Variants in ARFIP1 observed in about 807,000 individuals in gnomAD.
The protein encoded by ARFIP1 is ARF interacting protein 1.
ARFIP1 carries 24 observed loss-of-function variants against 42.5 expected under a neutral mutation model. The observed-to-expected ratio is 0.57, with a 90% CI of 0.41 to 0.80. ARFIP1 has a LOEUF of 0.80. ARFIP1 is among the 30% of genes least tolerant of loss of function. The pLI, the probability that ARFIP1 is intolerant of heterozygous loss-of-function variation, is 0.00. For missense variants in ARFIP1, 354 were observed against 434.0 expected, an observed-to-expected ratio of 0.82 and a Z score of 1.64; for synonymous variants, 141 against 153.7, an observed-to-expected ratio of 0.92 and a Z score of 0.61.
intron 2 of ARFIP1, among the ~76,000 whole-genome samples, chr4:152,838,830 G>T (rs1157798578): frequency 1.3e-5 from 2 of 152,130 alleles, no homozygotes; most frequent in Admixed American, 6.5e-5. Context: ...AAGAGGAGTG[G>T]TGAGAGTGGG....
At position 152,904,198 on chromosome 4, in the gene ARFIP1, A is replaced by ATTTT. The variant is rs36092561; in HGVS notation, c.967-5856_967-5853dup. Among the ~76,000 whole-genome samples the ATTTT allele has an allele frequency of 1.9e-3, 241 of 126,684 alleles. 2 individuals carry two copies. The highest frequency in any genetic ancestry group is 5.5e-3 in the African/African-American group (169 of 30,722). 83.1% of individuals were successfully genotyped at this position (126,684 alleles called of 152,430 possible). ...TGTGTGTGTATATATATATATATAT[A>ATTTT]TTTTTTTTTTTTTAACGGAGTCTCG... On this transcript the variant is annotated intron_variant, in intron 8 of 8. Coordinates refer to ENST00000353617, the MANE Select transcript of ARFIP1 (RefSeq NM_001025595.3).
At chr4:152,815,783 C>T (rs1418093948) in intron 1 of ARFIP1, among the ~76,000 whole-genome samples, 5 of 131,504 alleles carry the variant, frequency 3.8e-5, no homozygotes, top group African/African-American at 1.4e-4. Flanking sequence ...CTCGCTCTGT[C>T]GCCCAGGCTG....
chr4:152,872,005 A>G (rs944703186), intron 4 of ARFIP1, among the ~76,000 whole-genome samples: 3 of 152,176 alleles, frequency 2.0e-5, no homozygotes, highest in African/African-American at 7.2e-5. Context: ...AATTATAGCA[A>G]CATTCTATTG....
chr4:152,811,158 T>G (rs1015309824), intron 1 of ARFIP1, among the ~76,000 whole-genome samples: 7 of 147,492 alleles, frequency 4.7e-5, no homozygotes, highest in Non-Finnish European at 8.9e-5. Context: ...ACACCCACTC[T>G]GGAGACATTG....
At chr4:152,876,091 G>A (rs950750561) in intron 5 of ARFIP1, among the ~76,000 whole-genome samples, 1 of 152,100 alleles carries the variant, frequency 6.6e-6, no homozygotes, top group Non-Finnish European at 1.5e-5. Flanking sequence ...TTTATCAGCA[G>A]TGTGAAAACC....
chr4:152,819,399 A>G (rs968382665), intron 1 of ARFIP1, among the ~76,000 whole-genome samples: 2 of 152,176 alleles, frequency 1.3e-5, no homozygotes, highest in African/African-American at 4.8e-5. Context: ...GCTCTTTACA[A>G]GGAAATCTCC....
At chr4:152,899,233 T>C (rs1202732198) in intron 8 of ARFIP1, among the ~76,000 whole-genome samples, 1 of 152,180 alleles carries the variant, frequency 6.6e-6, no homozygotes, top group Non-Finnish European at 1.5e-5. Context: ...GAACTTGAGA[T>C]CAGGAATGGG....
intron 1 of ARFIP1, among the ~76,000 whole-genome samples, chr4:152,816,848 T>C (rs1729928803): frequency 6.6e-6 from 1 of 152,260 alleles, no homozygotes; most frequent in South Asian, 2.1e-4. Flanking sequence ...TTTTCCACTC[T>C]CCTTCTTATT....
chr4:152,820,568 G>A (rs1730289254), intron 1 of ARFIP1, among the ~76,000 whole-genome samples: 1 of 152,194 alleles, frequency 6.6e-6, no homozygotes, highest in Non-Finnish European at 1.5e-5. Flanking sequence ...GTAGTGGAAG[G>A]TGAAGGGGAA....
At chr4:152,859,076 T>G (rs1274283273) in intron 2 of ARFIP1, among the ~76,000 whole-genome samples, 1 of 152,208 alleles carries the variant, frequency 6.6e-6, no homozygotes, top group Non-Finnish European at 1.5e-5. Flanking sequence ...TTTTTGTTTT[T>G]GTTTGAGGCA....
At chr4:152,889,227 T>C (rs1736520708) in intron 8 of ARFIP1, among the ~76,000 whole-genome samples, 1 of 152,060 alleles carries the variant, frequency 6.6e-6, no homozygotes, top group Non-Finnish European at 1.5e-5. Flanking sequence ...CAGTATCTTA[T>C]TGTTTTCTTT....
chr4:152,898,346 C>T (rs1173806655), intron 8 of ARFIP1, among the ~76,000 whole-genome samples: 3 of 152,092 alleles, frequency 2.0e-5, no homozygotes, highest in African/African-American at 7.2e-5. Flanking sequence ...TCATGTTGAC[C>T]ATAATTTCCT....
chr4:152,797,311 A>G lies in ARFIP1; in HGVS notation c.-10+17085A>G, dbSNP rs1387800291. ...ATTTGGGTCTAATTCTAGACTTTTTAAATTCCACTGGCCTATTTATGTGCT... is the reference window on the plus strand; with the variant it reads ...ATTTGGGTCTAATTCTAGACTTTTTGAATTCCACTGGCCTATTTATGTGCT... On this transcript the variant is annotated intron_variant, in intron 1 of 8. Transcript: ENST00000353617. 2.0e-5 allele frequency among the ~76,000 whole-genome samples: 3 copies of G among 152,200 alleles called. No homozygotes were observed. The East Asian group carries it at 5.8e-4, about 29-fold the overall frequency.
intron 1 of ARFIP1, among the ~76,000 whole-genome samples, chr4:152,792,261 T>TA (rs1204100038): frequency 2.6e-5 from 4 of 152,202 alleles, no homozygotes; most frequent in Non-Finnish European, 5.9e-5. Context: ...AACTTTTTTT[T>TA]ACTAAAGTAC....
intron 7 of ARFIP1, chr4:152,883,179 A>G (rs1001717350): frequency 3.7e-6 from 1 of 268,222 alleles, no homozygotes; most frequent in South Asian, 4.9e-5. Flanking sequence ...ATACCCATGA[A>G]TACTTGCTTC....
At chr4:152,906,775 C>T (rs1026282914) in intron 8 of ARFIP1, among the ~76,000 whole-genome samples, 3 of 152,130 alleles carry the variant, frequency 2.0e-5, no homozygotes, top group African/African-American at 4.8e-5. Flanking sequence ...CCTGTCTTAC[C>T]GCATATACCA....
chr4:152,869,380 A>G (rs980066734), intron 3 of ARFIP1, among the ~76,000 whole-genome samples: 11 of 151,814 alleles, frequency 7.2e-5, no homozygotes, highest in Admixed American at 3.9e-4. Flanking sequence ...TTAGAAACCT[A>G]TTACTCCCTT....
intron 1 of ARFIP1, among the ~76,000 whole-genome samples, chr4:152,824,983 A>G (rs1561124625): frequency 6.7e-6 from 1 of 148,430 alleles, no homozygotes; most frequent in Non-Finnish European, 1.5e-5. Context: ...ATACATACAC[A>G]CACACACACA....
chr4:152,877,717 T>G (rs1189568268), intron 5 of ARFIP1, among the ~76,000 whole-genome samples: 3 of 152,174 alleles, frequency 2.0e-5, no homozygotes, highest in Non-Finnish European at 4.4e-5. Flanking sequence ...TGCCATGTGT[T>G]GTGGGAGGGA....
Sources: gnomAD v4.1 joint callset for allele counts (sites outside exome capture counted in the v4.1 genomes callset) on GRCh38, gnomAD v4.1.1 for gene constraint, MANE v1.5 for transcripts, NCBI Gene and HGNC (gene_info 2026-07-23, HGNC 2026-07-21) for gene names.